Variants in MSH3 observed in about 807,000 individuals in gnomAD.
MSH3 encodes mutS homolog 3, also known as DNA mismatch repair protein Msh3.
In MSH3, 106 loss-of-function variants were observed where a neutral mutation model predicts 123.3. That is an observed-to-expected ratio of 0.86 (90% CI 0.73 to 1.01). MSH3 has a LOEUF of 1.01. Ranked by LOEUF, MSH3 falls within the 50% of genes least tolerant of loss-of-function variation. The probability of loss-of-function intolerance (pLI) is 0.00; values close to 1 mark genes in which losing one functional copy is unlikely to be tolerated. For missense variants in MSH3, 1,459 were observed against 1,347.6 expected, an observed-to-expected ratio of 1.08 and a Z score of -1.29; for synonymous variants, 515 against 481.4, an observed-to-expected ratio of 1.07 and a Z score of -0.91.
intron 20 of MSH3, among the ~76,000 whole-genome samples, chr5:80,836,676 T>C (rs1017831999): frequency 6.6e-6 from 1 of 151,988 alleles, no homozygotes; most frequent in Non-Finnish European, 1.5e-5. Flanking sequence ...TATTTGCATA[T>C]AACCTGTGCA....
intron 8 of MSH3, among the ~76,000 whole-genome samples, chr5:80,707,142 T>C (rs1158379119): frequency 6.6e-6 from 1 of 152,242 alleles, no homozygotes; most frequent in Non-Finnish European, 1.5e-5. Flanking sequence ...TGCATACTTT[T>C]TTGTGTCCAG....
chr5:80,711,197 T>C (rs192410946), intron 8 of MSH3, among the ~76,000 whole-genome samples: 1 of 152,312 alleles, frequency 6.6e-6, no homozygotes, highest in African/African-American at 2.4e-5. Context: ...CCAGCTCTCA[T>C]TGTGCTAGCC....
chr5:80,869,116 C>T (rs1285254459), intron 22 of MSH3, among the ~76,000 whole-genome samples: 1 of 152,146 alleles, frequency 6.6e-6, no homozygotes, highest in African/African-American at 2.4e-5. Context: ...TCTGTATGAT[C>T]TTGAACAAGT....
chr5:80,672,704 T>TA, intron 5 of MSH3, 37 bp from the exon 6 acceptor site: 1 of 1,506,486 alleles, frequency 6.6e-7, no homozygotes, highest in Non-Finnish European at 9.2e-7. Flanking sequence ...AGTCATTTTT[T>TA]ATCCTTTGAT....
intron 8 of MSH3, among the ~76,000 whole-genome samples, chr5:80,688,842 G>A (rs1425038191): frequency 6.6e-6 from 1 of 152,128 alleles, no homozygotes; most frequent in East Asian, 1.9e-4. Context: ...ATGTTATTAA[G>A]TGGTCGGTAC....
In MSH3 at chr5:80,873,121, G is replaced by A. The variant is rs144603433; in HGVS notation, c.3136G>A (p.Ala1046Thr). 8.7e-6 allele frequency: 14 copies of A among 1,612,958 alleles called. No individual in the cohort carries two copies. The African/African-American group carries it at 1.5e-4, about 17-fold the overall frequency. Residue 1046 changes from alanine to threonine, a missense_variant, in exon 23 of 24, where the codon GCA becomes ACA. Physicochemically the swap from Ala to Thr is moderately conservative, Grantham distance 58. Transcript: ENST00000265081. ...EDESKLDPGA[A>T]EQVPDFVTFL... ...CTCCTTTCTTTATTTCACAGGCGCA[G>A]CAGAACAAGTCCCTGATTTTGTCAC... is the stretch of plus-strand genomic sequence containing the variant.
intron 8 of MSH3, among the ~76,000 whole-genome samples, chr5:80,700,590 T>C (rs1750584587): frequency 6.6e-6 from 1 of 152,204 alleles, no homozygotes. Context: ...CTGATACTTT[T>C]TGTATATCTA....
chr5:80,670,631 A>G (rs1259887369), intron 4 of MSH3, among the ~76,000 whole-genome samples: 1 of 152,136 alleles, frequency 6.6e-6, no homozygotes, highest in Non-Finnish European at 1.5e-5. Flanking sequence ...TATGTTTTCT[A>G]ATGAAGACTC....
At chr5:80,861,705 CT>C (rs1746016090) in intron 21 of MSH3, among the ~76,000 whole-genome samples, 1 of 152,154 alleles carries the variant, frequency 6.6e-6, no homozygotes, top group Non-Finnish European at 1.5e-5. Context: ...CACTTTTTGA[CT>C]CTCAGACTTG....
intron 10 of MSH3, among the ~76,000 whole-genome samples, chr5:80,730,080 G>A (rs1199513477): frequency 6.6e-6 from 1 of 152,186 alleles, no homozygotes; most frequent in Non-Finnish European, 1.5e-5. Context: ...TACTAGAACA[G>A]AGTATCATTT....
At chr5:80,784,026 A>G (rs1286826864) in intron 17 of MSH3, among the ~76,000 whole-genome samples, 2 of 151,930 alleles carry the variant, frequency 1.3e-5, no homozygotes, top group Non-Finnish European at 2.9e-5. Flanking sequence ...CCTGGCCAAC[A>G]TGGGGAAACC....
At chr5:80,861,222 A>G (rs1746008864) in intron 21 of MSH3, among the ~76,000 whole-genome samples, 1 of 152,070 alleles carries the variant, frequency 6.6e-6, no homozygotes, top group Admixed American at 6.5e-5. Flanking sequence ...ATGTCTTGCG[A>G]CTTTTTCTTG....
intron 2 of MSH3, among the ~76,000 whole-genome samples, chr5:80,660,505 A>G (rs969909936): frequency 6.6e-6 from 1 of 152,186 alleles, no homozygotes; most frequent in Admixed American, 6.5e-5. Flanking sequence ...CAGTCAAACT[A>G]TATCACATTG....
chr5:80,776,202 A>G (rs990501958), intron 16 of MSH3, among the ~76,000 whole-genome samples: 1 of 152,098 alleles, frequency 6.6e-6, no homozygotes, highest in African/African-American at 2.4e-5. Flanking sequence ...TTCTTATGGA[A>G]CTTTTAACCA....
chr5:80,711,906 G>A (rs1039315474), intron 8 of MSH3, among the ~76,000 whole-genome samples: 8 of 151,966 alleles, frequency 5.3e-5, no homozygotes, highest in Admixed American at 1.3e-4. Flanking sequence ...CACCTGTCTC[G>A]GCCTCCCACA....
intron 2 of MSH3, among the ~76,000 whole-genome samples, chr5:80,659,425 C>G (rs1190881793): frequency 6.6e-6 from 1 of 152,154 alleles, no homozygotes; most frequent in East Asian, 1.9e-4. Flanking sequence ...CTCCCCAGCC[C>G]TAGGTAACCA....
chr5:80,730,739 C>T (rs1743394726), intron 10 of MSH3, among the ~76,000 whole-genome samples: 1 of 151,662 alleles, frequency 6.6e-6, no homozygotes, highest in Non-Finnish European at 1.5e-5. Flanking sequence ...AAATAGCTTG[C>T]CCATTAAGAC....
chr5:80,675,190 A>C (rs1749813771), intron 7 of MSH3, 62 bp downstream of exon 7: 8 of 1,532,458 alleles, frequency 5.2e-6, no homozygotes, highest in Non-Finnish European at 7.2e-6. Flanking sequence ...AATATGATCT[A>C]TCATGTATGG....
At chr5:80,712,906 T>C (rs941440816) in intron 8 of MSH3, among the ~76,000 whole-genome samples, 1 of 152,122 alleles carries the variant, frequency 6.6e-6, no homozygotes, top group African/African-American at 2.4e-5. Flanking sequence ...GTAATTCTAA[T>C]ATGGAGATAT....
Sources: gnomAD v4.1 joint callset for allele counts (sites outside exome capture counted in the v4.1 genomes callset) on GRCh38, gnomAD v4.1.1 for gene constraint, MANE v1.5 for transcripts, NCBI Gene and HGNC (gene_info 2026-07-23, HGNC 2026-07-21) for gene names.